The following PRDM15 variants were observed in gnomAD, a reference collection of about 807,000 sequenced individuals.
PRDM15 encodes PR/SET domain 15, also known as PR domain zinc finger protein 15.
Under a neutral mutation model 128.6 loss-of-function variants are expected in PRDM15, and 64 were observed. The ratio of observed to expected loss-of-function variants is 0.50; its 90% CI spans 0.41 to 0.61. PRDM15 has a LOEUF of 0.61. PRDM15 is among the 20% of genes least tolerant of loss of function. The probability of loss-of-function intolerance (pLI) is 0.00; values close to 1 mark genes in which losing one functional copy is unlikely to be tolerated. For synonymous variants in PRDM15, 615 were observed against 621.8 expected (o/e 0.99, Z 0.16); for missense variants, 1,242 against 1,569.1 (o/e 0.79, Z 3.52).
At chr21:41,874,525 A>ATATTTTTTTTTTTT in intron 1 of PRDM15, among the ~76,000 whole-genome samples, 3 of 95,826 alleles carry the variant, frequency 3.1e-5, no homozygotes, top group African/African-American at 1.2e-4. Flanking sequence ...ATATATATAT[A>ATATTTTTTTTTTTT]TTTTTTTTTT....
chr21:41,879,178 G>A lies in PRDM15; in HGVS notation c.-10+92C>T, dbSNP rs2064548771. ...GGGGGCGGGGGGCAGCGGGCCCAGG[G>A]CGCGCCGGGGCTCGCGGGGGCAGCG... On this transcript the variant is annotated intron_variant, in intron 1 of 23. Coordinates refer to ENST00000398548, the MANE Select transcript of PRDM15 (RefSeq NM_001040424.3). This position sits in a 1 kb window ranked among gnomAD's most constrained non-coding sequence, Gnocchi z 5.1. The A allele has an allele frequency of 5.9e-6, 5 of 843,576 alleles. No individual in the cohort carries two copies. Among genetic ancestry groups the A allele is most frequent in the Non-Finnish European group, 7.1e-6 (5 of 700,886 alleles). 52.3% of individuals were successfully genotyped at this position (843,576 alleles called of 1,614,324 possible).
intron 14 of PRDM15, 36 bp from the exon 15 acceptor site, chr21:41,822,073 G>T: frequency 6.2e-7 from 1 of 1,611,446 alleles, no homozygotes; most frequent in Non-Finnish European, 8.5e-7. Context: ...TTCTAACAGC[G>T]CAGCAGACGC....
At chr21:41,812,966 C>G (rs892271306) in intron 19 of PRDM15, 2 of 152,272 alleles carry the variant, frequency 1.3e-5, no homozygotes, top group Non-Finnish European at 2.9e-5. Context: ...ATGTGGTCCA[C>G]AGAGAGGGAG....
rs111065045 is a variant in PRDM15 at position 41,828,976 on chromosome 21, G to A, written c.1367-643C>T. Among the ~76,000 whole-genome samples the A allele has an allele frequency of 0.98, 144,520 of 148,106 alleles. 70,477 individuals are homozygous for A. Among genetic ancestry groups the A allele is most frequent in the Non-Finnish European group, 1 (66,806 of 67,052 alleles). On this transcript the variant is annotated intron_variant, in intron 11 of 23. Coordinates refer to ENST00000398548, the MANE Select transcript of PRDM15 (RefSeq NM_001040424.3). The surrounding 1 kb of genome is among the most constrained non-coding windows in gnomAD (Gnocchi z 5.7). ...CACACACACCACATACACACACCAC[G>A]CACACATGCCCCACACAAATACACA...
rs750755650 is a variant in PRDM15, at chr21:41,801,457, G to A, written c.3209C>T (p.Ser1070Leu). The A allele has an allele frequency of 3.4e-5, 55 of 1,614,100 alleles. No individual in the cohort carries two copies. The highest frequency in any genetic ancestry group is 2.7e-5 in the African/African-American group (2 of 74,930). ...GAAATGGGCCACAGACTGTGGGTTC[G>A]AGGCTTCCGGCTGGGGGTGGATCTG... ...DVQIHPQPEA[S>L]NPQSVAHFIN... Residue 1070 changes from serine to leucine, a missense_variant, in exon 24 of 24, where the codon TCG becomes TTG. Around this residue, in one of 3 missense-constraint regions of PRDM15, gnomAD observed 602 missense variants for 788.3 expected, o/e 0.76. Coordinates refer to ENST00000398548, the MANE Select transcript of PRDM15 (RefSeq NM_001040424.3).
At position 41,854,733 on chromosome 21, in the gene PRDM15, G is replaced by A. The variant is rs368907707; in HGVS notation, c.371C>T (p.Ala124Val). 1.1e-5 allele frequency: 17 copies of A among 1,613,180 alleles called. No individual in the cohort carries two copies. The East Asian group carries it at 1.8e-4, about 17-fold the overall frequency. Residue 124 changes from alanine to valine, a missense_variant, in exon 5 of 24, where the codon GCG becomes GTG. Ala to Val is a moderately conservative substitution (Grantham distance 64). This residue lies in a region of PRDM15 where 612 missense variants were observed against 717.0 expected (regional missense o/e 0.85). Transcript: ENST00000398548. The surrounding 1 kb of genome is among the most constrained non-coding windows in gnomAD (Gnocchi z 4.6). ...CGTCAGGTTCTGGTGCTCGGCCTCC[G>A]CCGCTGGCCGCACCAGCATCATCCA... ...CNWMMLVRPA[A>V]EAEHQNLTAY... is the part of the protein sequence containing the mutation.
intron 11 of PRDM15, chr21:41,834,542 C>CT: frequency 1.3e-6 from 2 of 1,550,190 alleles, no homozygotes; most frequent in Non-Finnish European, 1.7e-6. Context: ...CGGGCCCCCC[C>CT]TCTCCAGGGT....
intron 14 of PRDM15, among the ~76,000 whole-genome samples, 155 bp from the exon 15 acceptor site, chr21:41,822,192 C>G (rs867108378): frequency 6.6e-5 from 10 of 152,258 alleles, no homozygotes; most frequent in Admixed American, 5.2e-4. Flanking sequence ...TGTGCCCTAG[C>G]CCATCCCAGC....
intron 1 of PRDM15, among the ~76,000 whole-genome samples, chr21:41,868,589 C>T (rs1401353108): frequency 6.6e-6 from 1 of 151,950 alleles, no homozygotes; most frequent in Non-Finnish European, 1.5e-5. Context: ...TGGCTAAAGA[C>T]GCTGAACATC....
intron 21 of PRDM15, among the ~76,000 whole-genome samples, chr21:41,806,379 TCAC>T (rs1197683287): frequency 1.1e-3 from 10 of 9,248 alleles, no homozygotes; most frequent in African/African-American, 3.0e-3. Context: ...ACTACCACCA[TCAC>T]CACCACCACC....
intron 9 of PRDM15, 61 bp from the exon 10 acceptor site, chr21:41,836,268 G>A (rs1019945955): frequency 6.7e-7 from 1 of 1,488,828 alleles, no homozygotes; most frequent in Non-Finnish European, 9.3e-7. Flanking sequence ...AGAGAAGCAT[G>A]CCCACCGGGG....
Position 41,810,667 on chromosome 21 carries a change from A to T in PRDM15, c.2476+86T>A. ...GCTGGAACCGTCTAGATAATAGAAT[A>T]GTCGTTTCCACCCCAGCAGGCACTC... On this transcript the variant is annotated intron_variant, in intron 20 of 23. Transcript: ENST00000398548. This position sits in a 1 kb window ranked among gnomAD's most constrained non-coding sequence, Gnocchi z 6.4. 9.7e-7 allele frequency: 1 copy of T among 1,035,854 alleles called. No individual in the cohort carries two copies. The highest frequency in any genetic ancestry group is 1.5e-6 in the Non-Finnish European group (1 of 661,610). The allele number at this position is 1,035,854 out of a possible 1,614,324, so 64.2% of individuals were successfully genotyped here.
At position 41,835,513 on chromosome 21, in the gene PRDM15, C is replaced by A. The variant is rs776408920; in HGVS notation, c.1290G>T (p.Glu430Asp). The change falls in exon 11 of 24, where the codon GAG becomes GAT. Residue 430 changes from glutamate to aspartate, a missense_variant. Physicochemically the swap from Glu to Asp is conservative, Grantham distance 45. Coordinates refer to ENST00000398548, the MANE Select transcript of PRDM15 (RefSeq NM_001040424.3). The part of the protein sequence containing the change: ...YKHSRNEVDG[E>D]YRYRCGTCEK... ...CACAAGTGCCGCAGCGGTACCTGTA[C>A]TCGCCGTCCACCTGGTCAGAGGGAC... 1 of 1,609,076 alleles carries A rather than the reference C, an allele frequency of 6.2e-7. No individual in the cohort carries two copies. The highest frequency in any genetic ancestry group is 1.7e-5 in the Admixed American group (1 of 60,026).
rs2063754888 is a variant in PRDM15, at chr21:41,859,809, A to C, written c.38-124T>G. On this transcript the variant is annotated intron_variant, in intron 2 of 23. Transcript: ENST00000398548. The surrounding 1 kb of genome is among the most constrained non-coding windows in gnomAD (Gnocchi z 5.3). ...AGAGTCATGAGACACATGCATGCCG[A>C]CACTGCAAAGACAAGCAAGGGAGGG... is the stretch of plus-strand genomic sequence containing the variant. 2.6e-6 allele frequency: 2 copies of C among 765,808 alleles called. No homozygotes were observed. Among genetic ancestry groups the C allele is most frequent in the East Asian group, 5.4e-5 (2 of 37,194 alleles). The allele number at this position is 765,808 out of a possible 1,614,324, so 47.4% of individuals were successfully genotyped here.
At chr21:41,861,899 T>G in intron 1 of PRDM15, 1 of 1,608,460 alleles carries the variant, frequency 6.2e-7, no homozygotes. Flanking sequence ...AAAACAGCAC[T>G]GTATCTTCTT....
At chr21:41,825,701 TC>T (rs1244796187) in intron 13 of PRDM15, among the ~76,000 whole-genome samples, 7 of 152,080 alleles carry the variant, frequency 4.6e-5, no homozygotes, top group Admixed American at 1.3e-4. Context: ...AGGAGGAAAA[TC>T]ATGGCAAAGA....
rs756046004 is a variant in PRDM15 at position 41,810,235 on chromosome 21, C to T, written c.2571G>A (p.Glu857=). ...KHVQLTHDKV[E]AQSCQLCGTK... ...TCCCGCACAGCTGGCAGCTCTGCGC[C>T]TCCACCTTGTCGTGTGTGAGCTGAA... Residue 857 remains glutamate, a synonymous_variant, in exon 21 of 24, where the codon GAG becomes GAA. Coordinates refer to ENST00000398548, the MANE Select transcript of PRDM15 (RefSeq NM_001040424.3). This position sits in a 1 kb window ranked among gnomAD's most constrained non-coding sequence, Gnocchi z 6.4. 6.2e-7 allele frequency: 1 copy of T among 1,613,322 alleles called. No individual in the cohort carries two copies. The highest frequency in any genetic ancestry group is 1.1e-5 in the South Asian group (1 of 90,980).
At chr21:41,816,497 G>A (rs1008566239) in intron 18 of PRDM15, among the ~76,000 whole-genome samples, 2 of 152,118 alleles carry the variant, frequency 1.3e-5, no homozygotes, top group African/African-American at 4.8e-5. Context: ...CCCCAGCCCC[G>A]AAGAGGCGCC....
At chr21:41,827,958 A>T (rs2062526859) in intron 12 of PRDM15, among the ~76,000 whole-genome samples, 2 of 150,616 alleles carry the variant, frequency 1.3e-5, no homozygotes, top group South Asian at 4.1e-4. Flanking sequence ...TGCGCACAGC[A>T]GGTCTGACAC....
Sources: allele counts gnomAD v4.1 joint callset (sites outside exome capture counted in the v4.1 genomes callset), GRCh38; gene constraint gnomAD v4.1.1; regional missense constraint gnomAD v4.1.1; non-coding constraint Gnocchi (gnomAD v3.1); transcripts MANE v1.5; gene names NCBI Gene and HGNC (gene_info 2026-07-23, HGNC 2026-07-21).